ITGB1: variants seen among roughly 807,000 people sequenced by gnomAD.
ITGB1 encodes integrin subunit beta 1, also known as integrin beta-1.
A neutral mutation model predicts 86.5 loss-of-function variants in ITGB1; 24 were observed. That is an observed-to-expected ratio of 0.28 (90% CI 0.20 to 0.39). The LOEUF (loss-of-function observed/expected upper bound fraction) is 0.39. ITGB1 is among the 10% of genes least tolerant of loss of function. The probability of loss-of-function intolerance (pLI) is 1.00; values close to 1 mark genes in which losing one functional copy is unlikely to be tolerated. For synonymous variants in ITGB1, 323 were observed against 316.8 expected (o/e 1.02, Z -0.21); for missense variants, 556 against 946.9 (o/e 0.59, Z 5.42).
At chr10:32,922,147 G>A (rs2094952041) in intron 9 of ITGB1, 110 bp downstream of exon 9, 2 of 613,844 alleles carry the variant, frequency 3.3e-6, no homozygotes, top group African/African-American at 3.9e-5. Context: ...AAGTTTTTCT[G>A]TAGTACTTTG....
chr10:32,928,853 T>C (rs2094974010), intron 4 of ITGB1, among the ~76,000 whole-genome samples: 1 of 151,626 alleles, frequency 6.6e-6, no homozygotes. Context: ...AAGAGAGAGA[T>C]ACAAGAGACG....
intron 13 of ITGB1, among the ~76,000 whole-genome samples, chr10:32,910,752 A>C (rs2094910791): frequency 6.7e-6 from 1 of 150,090 alleles, no homozygotes; most frequent in Admixed American, 6.6e-5. Context: ...ATAAAATCAT[A>C]ATAATTTTTT....
intron 2 of ITGB1, among the ~76,000 whole-genome samples, chr10:32,934,817 C>T (rs529178314): frequency 4.6e-4 from 70 of 152,240 alleles, no homozygotes; most frequent in Non-Finnish European, 8.7e-4. Flanking sequence ...TGTTCTGACA[C>T]AGAATGTTTT....
chr10:32,906,460 G>T, intron 15 of ITGB1: 1 of 222,998 alleles, frequency 4.5e-6, no homozygotes, highest in Non-Finnish European at 9.4e-6. Flanking sequence ...CATGGTGGCA[G>T]GCACCTGTAA....
At chr10:32,933,196 A>G (rs1565828475) in intron 2 of ITGB1, among the ~76,000 whole-genome samples, 1 of 152,088 alleles carries the variant, frequency 6.6e-6, no homozygotes, top group East Asian at 1.9e-4. Context: ...TTGACACTGA[A>G]AGCCACAGAG....
At chr10:32,909,960 C>G (rs543531454) in intron 14 of ITGB1, among the ~76,000 whole-genome samples, 1 of 152,250 alleles carries the variant, frequency 6.6e-6, no homozygotes, top group Admixed American at 6.5e-5. Flanking sequence ...TTCTAAGTGT[C>G]TTATATAAAT....
chr10:32,940,073 C>T (rs1031566677), intron 1 of ITGB1, among the ~76,000 whole-genome samples: 2 of 152,066 alleles, frequency 1.3e-5, no homozygotes, highest in African/African-American at 2.4e-5. Context: ...AGGCTGGGGG[C>T]GGTGGCTCAC....
intron 1 of ITGB1, among the ~76,000 whole-genome samples, chr10:32,946,227 T>C (rs1362843677): frequency 6.6e-6 from 1 of 152,222 alleles, no homozygotes; most frequent in Non-Finnish European, 1.5e-5. Flanking sequence ...TTATGTAAAG[T>C]AAGCATACTT....
chr10:32,919,751 G>T, intron 11 of ITGB1, 134 bp downstream of exon 11: 1 of 670,652 alleles, frequency 1.5e-6, no homozygotes, highest in Non-Finnish European at 2.6e-6. Flanking sequence ...AACTGATCTT[G>T]TGGTGAGCAA....
chr10:32,909,158 G>GTA (rs1341691998), intron 14 of ITGB1, among the ~76,000 whole-genome samples: 1 of 152,158 alleles, frequency 6.6e-6, no homozygotes, highest in Non-Finnish European at 1.5e-5. Context: ...AGACCATGTG[G>GTA]TATAGCTAAC....
intron 3 of ITGB1, among the ~76,000 whole-genome samples, chr10:32,930,425 T>A (rs1393275407): frequency 6.6e-6 from 1 of 152,134 alleles, no homozygotes; most frequent in Non-Finnish European, 1.5e-5. Flanking sequence ...CTTTGAAAAG[T>A]CCTTACAAAG....
chr10:32,911,809 T>G, intron 12 of ITGB1, 77 bp downstream of exon 12: 1 of 1,435,184 alleles, frequency 7.0e-7, no homozygotes, highest in Admixed American at 1.7e-5. Context: ...TTTCTACTTA[T>G]GCACCAACTA....
chr10:32,939,039 C>T (rs750404872), intron 1 of ITGB1, among the ~76,000 whole-genome samples: 2 of 152,186 alleles, frequency 1.3e-5, no homozygotes, highest in Non-Finnish European at 2.9e-5. Flanking sequence ...TGCCCAAGTC[C>T]TACGCCACAA....
intron 4 of ITGB1, 91 bp downstream of exon 4, chr10:32,929,731 C>A: frequency 3.9e-6 from 3 of 768,522 alleles, no homozygotes; most frequent in Non-Finnish European, 4.6e-6. Flanking sequence ...TAAAAACGAG[C>A]CTTCAACAGA....
At chr10:32,943,561 C>A (rs1266847122) in intron 1 of ITGB1, among the ~76,000 whole-genome samples, 1 of 151,936 alleles carries the variant, frequency 6.6e-6, no homozygotes, top group African/African-American at 2.4e-5. Context: ...GACATCACAA[C>A]AGGGAGGTGA....
intron 14 of ITGB1, among the ~76,000 whole-genome samples, chr10:32,908,925 G>T (rs2137164186): frequency 6.6e-6 from 1 of 152,280 alleles, no homozygotes; most frequent in Non-Finnish European, 1.5e-5. Flanking sequence ...ATGTGCAGGA[G>T]TTACAAAACC....
chr10:32,929,459 T>A (rs2094976235), intron 4 of ITGB1, among the ~76,000 whole-genome samples: 1 of 152,200 alleles, frequency 6.6e-6, no homozygotes, highest in Non-Finnish European at 1.5e-5. Context: ...AACAGTTTAA[T>A]AATACTAAAC....
intron 2 of ITGB1, among the ~76,000 whole-genome samples, chr10:32,934,797 T>C (rs2094995461): frequency 6.6e-6 from 1 of 152,232 alleles, no homozygotes; most frequent in Non-Finnish European, 1.5e-5. Context: ...GTTTCTCATC[T>C]TGTTTACGGT....
intron 1 of ITGB1, among the ~76,000 whole-genome samples, chr10:32,938,868 G>C (rs2095010843): frequency 6.6e-6 from 1 of 152,188 alleles, no homozygotes; most frequent in Admixed American, 6.5e-5. Context: ...GGGCGGAGAG[G>C]AGACCACAGT....
Sources: gnomAD v4.1 joint callset for allele counts (sites outside exome capture counted in the v4.1 genomes callset) on GRCh38, gnomAD v4.1.1 for gene constraint, MANE v1.5 for transcripts, NCBI Gene and HGNC (gene_info 2026-07-23, HGNC 2026-07-21) for gene names.